The following SLC25A21 variants were observed in gnomAD, a reference collection of about 807,000 sequenced individuals.
SLC25A21 encodes solute carrier family 25 member 21.
Under a neutral mutation model 43.8 loss-of-function variants are expected in SLC25A21, and 47 were observed. That is an observed-to-expected ratio of 1.07 (90% CI 0.85 to 1.37). The LOEUF (loss-of-function observed/expected upper bound fraction) is 1.37. SLC25A21 is among the 40% of genes most tolerant of loss of function. The pLI is 0.00. For synonymous variants in SLC25A21, 131 were observed against 121.3 expected (o/e 1.08, Z -0.52); for missense variants, 352 against 350.2 (o/e 1.00, Z -0.04).
chr14:36,868,648 T>A (rs1890280440), intron 2 of SLC25A21, among the ~76,000 whole-genome samples: 1 of 152,242 alleles, frequency 6.6e-6, no homozygotes, highest in Admixed American at 6.5e-5. Flanking sequence ...CATGCTGAAC[T>A]GAAAATGCAT....
intron 1 of SLC25A21, among the ~76,000 whole-genome samples, chr14:37,165,634 G>A (rs10134334): frequency 0.11 from 16,830 of 152,048 alleles, 2,273 homozygotes; most frequent in African/African-American, 0.32. Flanking sequence ...AGGCTTAGGA[G>A]TGACCTCAGG....
At chr14:36,878,608 C>T (rs1890616284) in intron 1 of SLC25A21, among the ~76,000 whole-genome samples, 1 of 152,074 alleles carries the variant, frequency 6.6e-6, no homozygotes, top group Admixed American at 6.6e-5. Context: ...TGAGTGGTAC[C>T]ATGTGCTTAT....
At chr14:36,882,201 G>A (rs1165039104) in intron 1 of SLC25A21, among the ~76,000 whole-genome samples, 2 of 152,100 alleles carry the variant, frequency 1.3e-5, no homozygotes, top group African/African-American at 2.4e-5. Context: ...TGGCCAACAT[G>A]GTAAAACCCC....
chr14:37,086,606 C>T (rs1202587546), intron 1 of SLC25A21, among the ~76,000 whole-genome samples: 1 of 152,150 alleles, frequency 6.6e-6, no homozygotes, highest in African/African-American at 2.4e-5. Context: ...TTCACATCTC[C>T]AATGTACCAC....
At chr14:36,842,120 AT>A (rs1404220864) in intron 2 of SLC25A21, among the ~76,000 whole-genome samples, 1 of 152,112 alleles carries the variant, frequency 6.6e-6, no homozygotes, top group African/African-American at 2.4e-5. Context: ...TTGTTTATGT[AT>A]TCCCCCAGCC....
chr14:37,039,440 A>ACCACT (rs1961397828), intron 1 of SLC25A21, among the ~76,000 whole-genome samples: 1 of 152,164 alleles, frequency 6.6e-6, no homozygotes, highest in Admixed American at 6.5e-5. Context: ...GCTTCTCCCT[A>ACCACT]GGCAACCACT....
At chr14:36,887,107 T>C (rs79243804) in intron 1 of SLC25A21, among the ~76,000 whole-genome samples, 1 of 152,248 alleles carries the variant, frequency 6.6e-6, no homozygotes, top group Non-Finnish European at 1.5e-5. Flanking sequence ...ACTTGTTTTA[T>C]AGATTATATC....
At chr14:36,899,420 T>C (rs1033308048) in intron 1 of SLC25A21, among the ~76,000 whole-genome samples, 4 of 152,250 alleles carry the variant, frequency 2.6e-5, no homozygotes, top group African/African-American at 9.6e-5. Flanking sequence ...TACTCTTGAA[T>C]GCAAATTGAC....
At chr14:36,811,714 G>C (rs908499480) in intron 3 of SLC25A21, among the ~76,000 whole-genome samples, 10 of 152,116 alleles carry the variant, frequency 6.6e-5, no homozygotes, top group African/African-American at 2.4e-4. Flanking sequence ...GTGAGTAAAG[G>C]ATAGATTTTT....
chr14:36,854,012 T>A (rs1257023868), intron 2 of SLC25A21, among the ~76,000 whole-genome samples: 1 of 152,196 alleles, frequency 6.6e-6, no homozygotes, highest in African/African-American at 2.4e-5. Context: ...TAGATCCATG[T>A]GACCTGTGTA....
chr14:36,782,962 T>A (rs1438409330), intron 3 of SLC25A21, among the ~76,000 whole-genome samples: 1 of 123,774 alleles, frequency 8.1e-6, no homozygotes, highest in African/African-American at 2.9e-5. Context: ...TAAAAAAATA[T>A]AAATAAATAA....
intron 2 of SLC25A21, among the ~76,000 whole-genome samples, chr14:36,863,964 T>C (rs1890143014): frequency 6.6e-6 from 1 of 152,204 alleles, no homozygotes; most frequent in African/African-American, 2.4e-5. Context: ...CAACCCTTGC[T>C]AGCCCAAAGA....
chr14:36,960,750 A>G (rs1959469344), intron 1 of SLC25A21, among the ~76,000 whole-genome samples: 1 of 152,152 alleles, frequency 6.6e-6, no homozygotes, highest in South Asian at 2.1e-4. Context: ...GCACAGCCCT[A>G]CTCAGCAGCA....
intron 1 of SLC25A21, among the ~76,000 whole-genome samples, chr14:37,104,264 G>A (rs1440008124): frequency 2.0e-5 from 3 of 152,180 alleles, no homozygotes; most frequent in Non-Finnish European, 4.4e-5. Flanking sequence ...TCCATGTGAG[G>A]AAGCAGCAAG....
chr14:36,914,226 A>G (rs1026561520), intron 1 of SLC25A21, among the ~76,000 whole-genome samples: 4 of 152,358 alleles, frequency 2.6e-5, no homozygotes, highest in South Asian at 4.1e-4. Flanking sequence ...TTTAATCACC[A>G]TAACGAAAAT....
chr14:36,695,590 G>T (rs187417366), intron 7 of SLC25A21, among the ~76,000 whole-genome samples: 30 of 152,216 alleles, frequency 2.0e-4, no homozygotes, highest in Admixed American at 3.9e-4. Context: ...ATTTCCTTGG[G>T]CAGTGGTTTG....
intron 1 of SLC25A21, among the ~76,000 whole-genome samples, chr14:37,140,869 G>A (rs1406577332): frequency 6.6e-6 from 1 of 152,074 alleles, no homozygotes; most frequent in Non-Finnish European, 1.5e-5. Flanking sequence ...TTAGAGCTGG[G>A]CACGGTAAGG....
At chr14:36,780,509 A>G (rs532049053) in intron 3 of SLC25A21, among the ~76,000 whole-genome samples, 29 of 152,114 alleles carry the variant, frequency 1.9e-4, no homozygotes, top group African/African-American at 5.5e-4. Flanking sequence ...GCTGCATTCC[A>G]TAAGTTTTGG....
chr14:37,172,176 G>A (rs1393278920), intron 1 of SLC25A21, 105 bp downstream of exon 1: 2 of 1,193,540 alleles, frequency 1.7e-6, no homozygotes, highest in Non-Finnish European at 2.3e-6. Flanking sequence ...GAATTTTGAG[G>A]AAGAGGGCAG....
Sources: allele counts gnomAD v4.1 joint callset (sites outside exome capture counted in the v4.1 genomes callset), GRCh38; gene constraint gnomAD v4.1.1; transcripts MANE v1.5; gene names NCBI Gene and HGNC (gene_info 2026-07-23, HGNC 2026-07-21).